Variants in RTEL1 observed in about 807,000 individuals in gnomAD.
RTEL1 encodes the protein regulator of telomere elongation helicase 1.
A neutral mutation model predicts 162.2 loss-of-function variants in RTEL1; 86 were observed. The observed-to-expected ratio is 0.53, with a 90% CI of 0.45 to 0.63. RTEL1 has a LOEUF of 0.63. Among genes scored for constraint, RTEL1 ranks in the 30% least tolerant of loss-of-function variants. The pLI, the probability that RTEL1 is intolerant of heterozygous loss-of-function variation, is 0.00. For missense variants in RTEL1, 1,941 were observed against 1,750.2 expected, an observed-to-expected ratio of 1.11 and a Z score of -1.95; for synonymous variants, 958 against 717.9, an observed-to-expected ratio of 1.33 and a Z score of -5.35.
chr20:63,667,479 T>C lies in RTEL1; in HGVS notation c.625T>C (p.Tyr209His), dbSNP rs539983944. The C allele has an allele frequency of 6.2e-7, 1 of 1,613,432 alleles. No homozygotes were observed. Among genetic ancestry groups the C allele is most frequent in the East Asian group, 2.2e-5 (1 of 44,834 alleles). The change falls in exon 8 of 35, where the codon TAC becomes CAC. Residue 209 changes from tyrosine to histidine, a missense_variant. Tyr to His is a moderately conservative substitution (Grantham distance 83). Transcript: ENST00000360203. ...CTCTCTCCTTCCCAGGGTGTGCCCTTACTACCTGTCCCGGAACCTGAAGCA... is the reference window on the plus strand; with the variant it reads ...CTCTCTCCTTCCCAGGGTGTGCCCTCACTACCTGTCCCGGAACCTGAAGCA... ...KSGSKHRVCP[Y>H]YLSRNLKQQA... is the part of the protein sequence containing the mutation.
intron 1 of RTEL1, among the ~76,000 whole-genome samples, chr20:63,658,956 C>T (rs2089965134): frequency 1.3e-5 from 2 of 152,216 alleles, no homozygotes; most frequent in Non-Finnish European, 2.9e-5. Context: ...TGCCGCTTGC[C>T]TCTTCAGCCC....
intron 30 of RTEL1, 58 bp downstream of exon 30, chr20:63,693,341 G>C (rs149938830): frequency 7.1e-5 from 114 of 1,601,386 alleles, no homozygotes; most frequent in Admixed American, 2.3e-4. Context: ...GTGTGGGCCA[G>C]AGTCCTGGGC....
At chr20:63,675,626 G>A (rs933093481) in intron 10 of RTEL1, among the ~76,000 whole-genome samples, 2 of 151,980 alleles carry the variant, frequency 1.3e-5, no homozygotes, top group African/African-American at 4.8e-5. Flanking sequence ...GGATCTTCCC[G>A]TCTCAGCGTC....
chr20:63,672,770 A>G lies in RTEL1; in HGVS notation c.765+149A>G. 5 of 685,408 alleles carry G rather than the reference A, an allele frequency of 7.3e-6. No homozygotes were observed. The South Asian group carries it at 8.5e-5, about 12-fold the overall frequency. 42.5% of individuals were successfully genotyped at this position (685,408 alleles called of 1,614,324 possible). A position where few individuals can be genotyped will look rare whatever the true frequency, so the allele number is the denominator to read the frequency against. On this transcript the variant is annotated intron_variant, in intron 9 of 34. Coordinates refer to ENST00000360203, the MANE Select transcript of RTEL1 (RefSeq NM_001283009.2). ...ACTGAGCACACCAGGAGCTTCTGCC[A>G]CCCCCTCCCGCCCTGATCCGATGCC...
intron 10 of RTEL1, among the ~76,000 whole-genome samples, chr20:63,674,897 C>A (rs924289600): frequency 6.6e-6 from 1 of 151,238 alleles, no homozygotes; most frequent in African/African-American, 2.4e-5. Context: ...GTCAGTTGGT[C>A]TATATTTTCT....
At chr20:63,681,272 T>C in intron 14 of RTEL1, 1 of 985,422 alleles carries the variant, frequency 1.0e-6, no homozygotes, top group Middle Eastern at 5.2e-4. Flanking sequence ...CAGCACCTGC[T>C]TTCCCTGGCG....
At chr20:63,660,412 G>A (rs1303457884) in intron 2 of RTEL1, among the ~76,000 whole-genome samples, 1 of 152,218 alleles carries the variant, frequency 6.6e-6, no homozygotes, top group Non-Finnish European at 1.5e-5. Context: ...CTGGTTTATC[G>A]AGACTGGAGA....
Position 63,695,350 on chromosome 20 carries a change from C to T in RTEL1, c.3522C>T (p.Thr1174=), listed in dbSNP as rs200086502. Residue 1174 remains threonine (T), a synonymous_variant, in exon 34 of 35, where the codon ACC becomes ACT. Coordinates refer to ENST00000360203, the MANE Select transcript of RTEL1 (RefSeq NM_001283009.2). ...CAGGCCCCTCACGGTCCGAGAAGACCGGGAAGACCCAGAGCAAGATCTCGT... is the reference window on the plus strand; with the variant it reads ...CAGGCCCCTCACGGTCCGAGAAGACTGGGAAGACCCAGAGCAAGATCTCGT... ...PQPGPSRSEK[T]GKTQSKISSF... is the part of the protein sequence containing the mutation. 46 of 1,550,498 alleles carry T rather than the reference C, an allele frequency of 3.0e-5. No homozygotes were observed. The highest frequency in any genetic ancestry group is 3.3e-5 in the Non-Finnish European group (38 of 1,148,494).
intron 2 of RTEL1, chr20:63,660,931 G>A (rs2146147049): frequency 4.3e-6 from 1 of 234,766 alleles, no homozygotes. Context: ...CCGTCTGAGA[G>A]CTTGTATGTA....
chr20:63,693,090 CTG>C, intron 29 of RTEL1, 51 bp from the exon 30 acceptor site: 1 of 1,611,604 alleles, frequency 6.2e-7, no homozygotes, highest in Non-Finnish European at 8.5e-7. Flanking sequence ...AAGGTGGTCT[CTG>C]TTCTCTAGAG....
chr20:63,695,178 G>A lies in RTEL1; in HGVS notation c.3456G>A (p.Arg1152=), dbSNP rs753433733. The A allele has an allele frequency of 6.2e-7, 1 of 1,612,252 alleles. No individual in the cohort carries two copies. The highest frequency in any genetic ancestry group is 1.1e-5 in the South Asian group (1 of 91,078). ...AGCCACCGGGACCCCAGGAGGAGAG[G>A]CTTGCCGTGCCTCCTGTGCTTACCC... The part of the protein sequence containing the change: ...GMEPPGPQEE[R]LAVPPVLTHR... The change falls in exon 33 of 35, where the codon AGG becomes AGA. Residue 1152 remains arginine, a synonymous_variant. Transcript: ENST00000360203.
chr20:63,694,294 A>AGCCAG, intron 30 of RTEL1, 78 bp from the exon 31 acceptor site: 1 of 1,124,870 alleles, frequency 8.9e-7, no homozygotes, highest in Non-Finnish European at 1.3e-6. Flanking sequence ...TGGCCTCCCT[A>AGCCAG]GCCAGCCCTG....
At chr20:63,692,704 A>C in intron 28 of RTEL1, 101 bp from the exon 29 acceptor site, 1 of 1,172,794 alleles carries the variant, frequency 8.5e-7, no homozygotes, top group Non-Finnish European at 1.2e-6. Context: ...CTCGGCAGTC[A>C]CTGTCCCAGG....
chr20:63,694,233 A>C (rs902612863), intron 30 of RTEL1, 139 bp from the exon 31 acceptor site: 24 of 718,350 alleles, frequency 3.3e-5, no homozygotes, highest in Non-Finnish European at 6.0e-5. Flanking sequence ...CCCAGCACCC[A>C]GGCGTGTACC....
At chr20:63,695,279 T>C in intron 33 of RTEL1, 49 bp from the exon 34 acceptor site, 1 of 1,595,580 alleles carries the variant, frequency 6.3e-7, no homozygotes, top group Non-Finnish European at 8.5e-7. Flanking sequence ...GCCCTGGGAG[T>C]GAGCAGCAAA....
intron 14 of RTEL1, among the ~76,000 whole-genome samples, chr20:63,682,928 A>T (rs1338309204): frequency 6.6e-6 from 1 of 152,168 alleles, no homozygotes; most frequent in Non-Finnish European, 1.5e-5. Flanking sequence ...TCTCTGCCTG[A>T]GGCCGGAGCT....
rs1568727971 is a variant in RTEL1 at position 63,696,032 on chromosome 20, G to C, written c.*174G>C. The C allele has an allele frequency of 3.1e-6, 2 of 642,766 alleles. No individual in the cohort carries two copies. Among genetic ancestry groups the C allele is most frequent in the African/African-American group, 1.8e-5 (1 of 54,412 alleles). 39.8% of individuals were successfully genotyped at this position (642,766 alleles called of 1,614,324 possible). On this transcript the variant is annotated 3_prime_UTR_variant, in exon 35 of 35. Transcript: ENST00000360203. Reference sequence around the variant, plus strand: ...TGGTCCCTGCGGTGGGACCGGATCTGGGCCTGCCTCTGAGAAGCCCTGAGC... The same window carrying C: ...TGGTCCCTGCGGTGGGACCGGATCTCGGCCTGCCTCTGAGAAGCCCTGAGC...
At chr20:63,666,337 G>A (rs1260229484) in intron 7 of RTEL1, among the ~76,000 whole-genome samples, 18 of 152,236 alleles carry the variant, frequency 1.2e-4, no homozygotes, top group Admixed American at 1.0e-3. Context: ...GTGTCTGTGC[G>A]GAAGCACGCG....
At position 63,661,445 on chromosome 20, in the gene RTEL1, C is replaced by G. The variant is rs373874416; in HGVS notation, c.250C>G (p.Arg84Gly). Residue 84 changes from arginine (R) to glycine (G), a missense_variant, in exon 3 of 35, where the codon CGG (arginine) becomes GGG (glycine). Physicochemically the swap from Arg to Gly is moderately radical, Grantham distance 125. Transcript: ENST00000360203. The surrounding 1 kb of genome is among the most constrained non-coding windows in gnomAD (Gnocchi z 5.1). ...ERAQGELFPDRALSSWGNAAA... is the reference protein window; with the variant it reads ...ERAQGELFPDGALSSWGNAAA... ...GGCGCAAGGAGAGCTTTTCCCGGAT[C>G]GGGCCTTGTCATCCTGGGGCAACGC... The G allele has an allele frequency of 1.2e-6, 2 of 1,613,574 alleles. No individual in the cohort carries two copies. The highest frequency in any genetic ancestry group is 2.2e-5 in the South Asian group (2 of 91,080).
Sources: gnomAD v4.1 joint callset for allele counts (sites outside exome capture counted in the v4.1 genomes callset) on GRCh38, gnomAD v4.1.1 for gene constraint, Gnocchi (gnomAD v3.1) non-coding constraint, MANE v1.5 for transcripts, NCBI Gene and HGNC (gene_info 2026-07-23, HGNC 2026-07-21) for gene names.